Variants in JAK1 observed in about 807,000 individuals in gnomAD.
JAK1 encodes Janus kinase 1, also known as tyrosine-protein kinase JAK1.
JAK1 carries 16 observed loss-of-function variants against 136.6 expected under a neutral mutation model. The ratio of observed to expected loss-of-function variants is 0.12; its 90% CI spans 0.08 to 0.18. The LOEUF is 0.18. JAK1 is among the 10% of genes least tolerant of loss of function. The pLI, the probability that JAK1 is intolerant of heterozygous loss-of-function variation, is 1.00. For missense variants in JAK1, 859 were observed against 1,450.1 expected (o/e 0.59, Z 6.62); for synonymous variants, 492 against 519.5 (o/e 0.95, Z 0.72).
At chr1:64,896,483 A>G (rs1358825737) in intron 1 of JAK1, among the ~76,000 whole-genome samples, 2 of 152,248 alleles carry the variant, frequency 1.3e-5, no homozygotes, top group African/African-American at 2.4e-5. Flanking sequence ...CTACTTAGCA[A>G]TTAGTGGAGG....
At chr1:65,027,840 G>C (rs1569905118) in intron 2 of JAK1, among the ~76,000 whole-genome samples, 3 of 152,172 alleles carry the variant, frequency 2.0e-5, no homozygotes, top group African/African-American at 4.8e-5. Context: ...CTGGGAGAAA[G>C]TGCTGCACCC....
chr1:65,001,543 T>G (rs1278898185), intron 2 of JAK1, among the ~76,000 whole-genome samples: 1 of 151,968 alleles, frequency 6.6e-6, no homozygotes, highest in Non-Finnish European at 1.5e-5. Flanking sequence ...GGGGTGCATG[T>G]GTGCGTGTGT....
intron 1 of JAK1, among the ~76,000 whole-genome samples, chr1:64,928,791 A>AAAAAAAC (rs1553170026): frequency 2.5e-4 from 31 of 125,466 alleles, no homozygotes; most frequent in Middle Eastern, 3.6e-3. Context: ...AAAAAAAAAA[A>AAAAAAAC]AAAAACAAAA....
chr1:64,845,731 T>C (rs1655190079), intron 14 of JAK1, 91 bp from the exon 15 acceptor site: 1 of 1,503,958 alleles, frequency 6.6e-7, no homozygotes, highest in African/African-American at 1.4e-5. Context: ...CAGTGGACAC[T>C]ACTCGGCCTC....
At chr1:64,881,419 G>C (rs2101242079) in intron 3 of JAK1, among the ~76,000 whole-genome samples, 1 of 152,054 alleles carries the variant, frequency 6.6e-6, no homozygotes, top group South Asian at 2.1e-4. Context: ...GTAAAATGCA[G>C]AGCTGAGAAT....
Position 64,950,645 on chromosome 1 carries a change from C to G in JAK1, c.-78+15688G>C, listed in dbSNP as rs1569692512. On this transcript the variant is annotated intron_variant, in intron 1 of 24. Transcript: ENST00000342505. ...ACTTGATCTCTCTTCTCTCATAAGA[C>G]ACTGCCCTTCAGAATCCCCACGGTA... is the stretch of plus-strand genomic sequence containing the variant. 3.9e-5 allele frequency among the ~76,000 whole-genome samples: 6 copies of G among 152,290 alleles called. No individual in the cohort carries two copies. In the East Asian group the frequency reaches 1.2e-3, roughly 29 times the overall value.
At chr1:64,896,168 A>G (rs1215641912) in intron 1 of JAK1, among the ~76,000 whole-genome samples, 1 of 152,232 alleles carries the variant, frequency 6.6e-6, no homozygotes, top group Non-Finnish European at 1.5e-5. Flanking sequence ...CACTCTGCAC[A>G]TAGGAAGGCA....
At chr1:64,835,988 A>G (rs1654457122) in intron 23 of JAK1, 110 bp downstream of exon 23, 3 of 683,836 alleles carry the variant, frequency 4.4e-6, no homozygotes, top group African/African-American at 1.8e-5. Context: ...GACATTTTCC[A>G]TTATAATACA....
intron 2 of JAK1, among the ~76,000 whole-genome samples, chr1:64,983,171 A>G (rs768655489): frequency 1.1e-4 from 16 of 152,204 alleles, no homozygotes; most frequent in Non-Finnish European, 1.6e-4. Context: ...AACACAGAGC[A>G]AATAAGTCAA....
chr1:64,867,088 A>G lies in JAK1; in HGVS notation c.768T>C (p.Ile256=). The G allele has an allele frequency of 1.2e-6, 2 of 1,614,136 alleles. No individual in the cohort carries two copies. The highest frequency in any genetic ancestry group is 2.2e-5 in the South Asian group (2 of 91,088). ...CATGCGTGGACACGCTGCTGTCACAAATGGTCTTGTTGTTAAATTCCTTTA... is the reference window on the plus strand; with the variant it reads ...CATGCGTGGACACGCTGCTGTCACAGATGGTCTTGTTGTTAAATTCCTTTA... ...DFLKEFNNKT[I]CDSSVSTHDL... is the part of the protein sequence containing the mutation. The change falls in exon 7 of 25, where the codon ATT becomes ATC. Residue 256 remains isoleucine, a synonymous_variant. Coordinates refer to ENST00000342505, the MANE Select transcript of JAK1 (RefSeq NM_002227.4).
chr1:65,017,590 C>T (rs1023527389), intron 2 of JAK1, among the ~76,000 whole-genome samples: 2 of 152,086 alleles, frequency 1.3e-5, no homozygotes, highest in African/African-American at 4.8e-5. Flanking sequence ...GAAGTCCACA[C>T]AGAATATTTC....
intron 1 of JAK1, among the ~76,000 whole-genome samples, chr1:64,954,992 T>G (rs1355385928): frequency 6.6e-6 from 1 of 152,232 alleles, no homozygotes; most frequent in Non-Finnish European, 1.5e-5. Flanking sequence ...GCAGAGCCAA[T>G]GAGTCTTCCA....
intron 2 of JAK1, among the ~76,000 whole-genome samples, chr1:65,017,389 AC>A (rs1186174430): frequency 6.6e-6 from 1 of 151,944 alleles, no homozygotes; most frequent in Non-Finnish European, 1.5e-5. Context: ...AATTGCTTGA[AC>A]CCAGGAGGCG....
At chr1:64,840,774 GTGAGCTA>G (rs1317736646) in intron 19 of JAK1, among the ~76,000 whole-genome samples, 1 of 152,192 alleles carries the variant, frequency 6.6e-6, no homozygotes, top group East Asian at 1.9e-4. Flanking sequence ...TGAGGCTGCA[GTGAGCTA>G]TGATCACACC....
chr1:64,894,612 C>A (rs566061144), intron 1 of JAK1, among the ~76,000 whole-genome samples: 1 of 151,660 alleles, frequency 6.6e-6, no homozygotes, highest in South Asian at 2.1e-4. Flanking sequence ...AAACAAAAAA[C>A]AAAAAACAAA....
rs200049537 is a variant in JAK1 at position 64,864,885 on chromosome 1, G to A, written c.1078C>T (p.Arg360Trp). ...TAAGAAAAATTGTTCCACTCTTCCC[G>A]GATCTTGTTTTTCTCCTCATCCTTC... is the stretch of plus-strand genomic sequence containing the variant. ...HKKDEEKNKI[R>W]EEWNNFSYFP... The change falls in exon 8 of 25, where the codon CGG becomes TGG. Residue 360 changes from arginine to tryptophan, a missense_variant. This residue lies in a region of JAK1 where 353 missense variants were observed against 494.0 expected (regional missense o/e 0.71). Transcript: ENST00000342505. The A allele has an allele frequency of 1.4e-4, 224 of 1,613,586 alleles. No homozygotes were observed. Among genetic ancestry groups the A allele is most frequent in the Non-Finnish European group, 1.7e-4 (202 of 1,179,544 alleles).
At position 65,018,190 on chromosome 1, in the gene JAK1, G is replaced by C. The variant is rs377264968; in HGVS notation, c.-78+26290C>G. Among the ~76,000 whole-genome samples, 18 of 152,120 alleles carry C rather than the reference G, an allele frequency of 1.2e-4. 1 individual carries two copies. Among genetic ancestry groups the C allele is most frequent in the Admixed American group, 3.3e-4 (5 of 15,270 alleles). On this transcript the variant is annotated intron_variant, in intron 2 of 25. Coordinates refer to the JAK1 transcript ENST00000671954. ...AAACATATAGGGTAATAGCTAAAAA[G>C]TGTTTACAGAGCTGATTTATAGCCT...
intron 17 of JAK1, among the ~76,000 whole-genome samples, chr1:64,843,316 A>G (rs952284960): frequency 1.3e-5 from 2 of 152,158 alleles, no homozygotes; most frequent in Non-Finnish European, 2.9e-5. Flanking sequence ...GCACATTCCA[A>G]TTGCAGTCAC....
At chr1:64,979,482 T>C (rs921704610) in intron 2 of JAK1, 3 of 152,242 alleles carry the variant, frequency 2.0e-5, no homozygotes, top group African/African-American at 4.8e-5. Context: ...CTTATTCTGC[T>C]AGGAGAGTGA....
Sources: gnomAD v4.1 joint callset for allele counts (sites outside exome capture counted in the v4.1 genomes callset) on GRCh38, gnomAD v4.1.1 for gene constraint, gnomAD v4.1.1 regional missense constraint, MANE v1.5 for transcripts, NCBI Gene and HGNC (gene_info 2026-07-23, HGNC 2026-07-21) for gene names.